The following NEUROD6 variants were observed in gnomAD, a reference collection of about 807,000 sequenced individuals.
NEUROD6 encodes neuronal differentiation 6.
Under a neutral mutation model 24.1 loss-of-function variants are expected in NEUROD6, and 5 were observed. The ratio of observed to expected loss-of-function variants is 0.21; its 90% CI spans 0.11 to 0.44. The LOEUF (loss-of-function observed/expected upper bound fraction) is 0.44, where lower values mean the gene tolerates loss of function less well. NEUROD6 is among the 20% of genes least tolerant of loss of function. The probability of loss-of-function intolerance (pLI) is 0.99; values close to 1 mark genes in which losing one functional copy is unlikely to be tolerated. For missense variants in NEUROD6, 325 were observed against 409.5 expected (o/e 0.79, Z 1.78); for synonymous variants, 182 against 154.1 (o/e 1.18, Z -1.34).
At position 31,338,505 on chromosome 7, in the gene NEUROD6, T is replaced by A; in HGVS notation, c.764A>T (p.Gln255Leu). Residue 255 changes from glutamine to leucine, a missense_variant, in exon 2 of 2, where the codon CAG becomes CTG. Around this residue, in one of 3 missense-constraint regions of NEUROD6, gnomAD observed 175 missense variants for 201.3 expected, o/e 0.87. Coordinates refer to ENST00000297142, the MANE Select transcript of NEUROD6 (RefSeq NM_022728.4). This position sits in a 1 kb window ranked among gnomAD's most constrained non-coding sequence, Gnocchi z 5.1. ...GGGAGGACTTAAGGGACCTTCAAAC[T>A]GAGGGCTGGCACACTCAGGGGAAGT... ...ESTSPECASP[Q>L]FEGPLSPPPI... is the part of the protein sequence containing the mutation. The A allele has an allele frequency of 6.2e-7, 1 of 1,614,110 alleles. No individual in the cohort carries two copies. The highest frequency in any genetic ancestry group is 8.5e-7 in the Non-Finnish European group (1 of 1,179,984).
intron 1 of NEUROD6, among the ~76,000 whole-genome samples, chr7:31,339,977 A>C (rs1438521869): frequency 6.6e-6 from 1 of 152,194 alleles, no homozygotes; most frequent in East Asian, 1.9e-4. Context: ...AAACTCTATA[A>C]ATAAATTTAA....
rs1783086732 is a variant in NEUROD6 at position 31,338,122 on chromosome 7, A to G, written c.*133T>C. 3.0e-6 allele frequency: 2 copies of G among 661,752 alleles called. No individual in the cohort carries two copies. The highest frequency in any genetic ancestry group is 5.0e-6 in the Non-Finnish European group (2 of 401,116). The allele number at this position is 661,752 out of a possible 1,614,324, so 41.0% of individuals were successfully genotyped here. On this transcript the variant is annotated 3_prime_UTR_variant, in exon 2 of 2. Coordinates refer to ENST00000297142, the MANE Select transcript of NEUROD6 (RefSeq NM_022728.4). This position sits in a 1 kb window ranked among gnomAD's most constrained non-coding sequence, Gnocchi z 5.1. ...TATTATTACATAGAAAATTCTCACAATAGTTGAAACACACTTCAGAAACTA... is the reference window on the plus strand; with the variant it reads ...TATTATTACATAGAAAATTCTCACAGTAGTTGAAACACACTTCAGAAACTA...
chr7:31,338,190 A>C lies in NEUROD6; in HGVS notation c.*65T>G. 7.3e-7 allele frequency: 1 copy of C among 1,360,594 alleles called. No homozygotes were observed. 84.3% of individuals were successfully genotyped at this position (1,360,594 alleles called of 1,614,324 possible). A position where few individuals can be genotyped will look rare whatever the true frequency, so the allele number is the denominator to read the frequency against. On this transcript the variant is annotated 3_prime_UTR_variant, in exon 2 of 2. Transcript: ENST00000297142. This position sits in a 1 kb window ranked among gnomAD's most constrained non-coding sequence, Gnocchi z 5.1. The stretch of plus-strand genomic sequence containing the variant: ...AGTTGTGCCAATTACTCAGCCCACA[A>C]GCATCTGCTTTGTCTTAATTAGACA...
rs370480514 is a variant in NEUROD6, at chr7:31,339,100, C to T, written c.169G>A (p.Glu57Lys). Residue 57 changes from glutamate (E) to lysine (K), a missense_variant, in exon 2 of 2, where the codon GAG (glutamate) becomes AAG (lysine). Glu to Lys is a moderately conservative substitution (Grantham distance 56, BLOSUM62 1). Transcript: ENST00000297142. ...SIKRAPGEET[E>K]KEEEEEDREE... is the part of the protein sequence containing the mutation. ...CTGTCTTCCTCCTCTTCTTCTTTCT[C>T]GGTTTCTTCTCCAGGGGCCCTTTTG... The T allele has an allele frequency of 2.5e-6, 4 of 1,613,894 alleles. No homozygotes were observed. Among genetic ancestry groups the T allele is most frequent in the Admixed American group, 1.7e-5 (1 of 59,990 alleles).
Position 31,338,672 on chromosome 7 carries a change from G to T in NEUROD6, c.597C>A (p.His199Gln). The T allele has an allele frequency of 6.2e-7, 1 of 1,614,152 alleles. No individual in the cohort carries two copies. The highest frequency in any genetic ancestry group is 8.5e-7 in the Non-Finnish European group (1 of 1,180,028). Residue 199 changes from histidine to glutamine, a missense_variant, in exon 2 of 2, where the codon CAC (histidine) becomes CAA (glutamine). This residue lies in a region of NEUROD6 where 175 missense variants were observed against 201.3 expected (regional missense o/e 0.87). Coordinates refer to ENST00000297142, the MANE Select transcript of NEUROD6 (RefSeq NM_022728.4). The surrounding 1 kb of genome is among the most constrained non-coding windows in gnomAD (Gnocchi z 5.1). ...AGAAGGTAGAGTAGGGTGACCTTGT[G>T]TGGTGTGCAGCCTCCCCACCCTGAC... ...LMGQGGEAAH[H>Q]TRSPYSTFYP...
chr7:31,340,708 T>A lies in NEUROD6; in HGVS notation c.-137A>T, dbSNP rs1006185216. The A allele has an allele frequency of 7.9e-5, 12 of 152,718 alleles. No homozygotes were observed. Among genetic ancestry groups the A allele is most frequent in the African/African-American group, 2.9e-4 (12 of 41,562 alleles). The allele number at this position is 152,718 out of a possible 1,614,324, so 9.5% of individuals were successfully genotyped here. On this transcript the variant is annotated 5_prime_UTR_variant, in exon 1 of 2. An upstream open reading frame in the 5' UTR gains an earlier in-frame stop. Transcript: ENST00000297142. ...TAGATCTGTGTATATCTGCACTATCTCATTGATCTCTAAAAAGTGACATTG... is the reference window on the plus strand; with the variant it reads ...TAGATCTGTGTATATCTGCACTATCACATTGATCTCTAAAAAGTGACATTG...
Position 31,338,208 on chromosome 7 carries a change from A to G in NEUROD6, c.*47T>C. 1 of 1,513,128 alleles carries G rather than the reference A, an allele frequency of 6.6e-7. No homozygotes were observed. Among genetic ancestry groups the G allele is most frequent in the South Asian group, 1.2e-5 (1 of 86,006 alleles). The allele number at this position is 1,513,128 out of a possible 1,614,324, so 93.7% of individuals were successfully genotyped here. A position where few individuals can be genotyped will look rare whatever the true frequency, so the allele number is the denominator to read the frequency against. Reference sequence around the variant, plus strand: ...GCCCACAAGCATCTGCTTTGTCTTAATTAGACAGGGGAGGTGAATGACCAC... The same window carrying G: ...GCCCACAAGCATCTGCTTTGTCTTAGTTAGACAGGGGAGGTGAATGACCAC... On this transcript the variant is annotated 3_prime_UTR_variant, in exon 2 of 2. Coordinates refer to ENST00000297142, the MANE Select transcript of NEUROD6 (RefSeq NM_022728.4). The surrounding 1 kb of genome is among the most constrained non-coding windows in gnomAD (Gnocchi z 5.1).
chr7:31,339,126 A>T lies in NEUROD6; in HGVS notation c.143T>A (p.Ile48Asn). The change falls in exon 2 of 2, where the codon ATC becomes AAC. Residue 48 changes from isoleucine (I) to asparagine (N), a missense_variant. Physicochemically the swap from Ile to Asn is moderately radical, Grantham distance 149. Around this residue, in one of 3 missense-constraint regions of NEUROD6, gnomAD observed 109 missense variants for 107.3 expected, o/e 1.02. Transcript: ENST00000297142. ...GGTTTCTTCTCCAGGGGCCCTTTTG[A>T]TGCTCTTTCCTCGAAGGACAATCTG... ...SKQIVLRGKS[I>N]KRAPGEETEK... 1 of 1,612,528 alleles carries T rather than the reference A, an allele frequency of 6.2e-7. No homozygotes were observed. Among genetic ancestry groups the T allele is most frequent in the South Asian group, 1.1e-5 (1 of 91,002 alleles).
In NEUROD6 at chr7:31,338,735, T is replaced by C. The variant is rs1783094663; in HGVS notation, c.534A>G (p.Ala178=). The C allele has an allele frequency of 6.2e-7, 1 of 1,614,170 alleles. No individual in the cohort carries two copies. The highest frequency in any genetic ancestry group is 8.5e-7 in the Non-Finnish European group (1 of 1,180,034). The part of the protein sequence containing the change: ...GLSQPTTNLV[A]GCLQLNARSF... ...TCCTGGCGTTGAGCTGCAAGCAGCC[T>C]GCCACCAAGTTTGTAGTTGGCTGGG... The change falls in exon 2 of 2, where the codon GCA becomes GCG. Residue 178 remains alanine, a synonymous_variant. Transcript: ENST00000297142. The surrounding 1 kb of genome is among the most constrained non-coding windows in gnomAD (Gnocchi z 5.1).
At chr7:31,340,208 T>A (rs1783108325) in intron 1 of NEUROD6, among the ~76,000 whole-genome samples, 1 of 152,252 alleles carries the variant, frequency 6.6e-6, no homozygotes, top group Non-Finnish European at 1.5e-5. Context: ...ATTGTGCACG[T>A]GTGTTCAGAA....
chr7:31,340,027 AT>A (rs1783106705), intron 1 of NEUROD6, among the ~76,000 whole-genome samples: 1 of 152,158 alleles, frequency 6.6e-6, no homozygotes, highest in Non-Finnish European at 1.5e-5. Flanking sequence ...ATTAAAAAAA[AT>A]AGAGACTGAT....
Position 31,338,168 on chromosome 7 carries a change from T to C in NEUROD6, c.*87A>G. The C allele has an allele frequency of 1.9e-6, 2 of 1,042,054 alleles. No individual in the cohort carries two copies. The highest frequency in any genetic ancestry group is 2.8e-6 in the Non-Finnish European group (2 of 710,256). The allele number at this position is 1,042,054 out of a possible 1,614,324, so 64.6% of individuals were successfully genotyped here. ...AACTAGTAAACACCTTAGATAGAGTTGTGCCAATTACTCAGCCCACAAGCA... is the reference window on the plus strand; with the variant it reads ...AACTAGTAAACACCTTAGATAGAGTCGTGCCAATTACTCAGCCCACAAGCA... On this transcript the variant is annotated 3_prime_UTR_variant, in exon 2 of 2. Coordinates refer to ENST00000297142, the MANE Select transcript of NEUROD6 (RefSeq NM_022728.4). This position sits in a 1 kb window ranked among gnomAD's most constrained non-coding sequence, Gnocchi z 5.1.
chr7:31,339,247 C>G lies in NEUROD6; in HGVS notation c.22G>C (p.Glu8Gln). 6.2e-7 allele frequency: 1 copy of G among 1,610,864 alleles called. No individual in the cohort carries two copies. The highest frequency in any genetic ancestry group is 8.5e-7 in the Non-Finnish European group (1 of 1,178,830). Residue 8 changes from glutamate to glutamine, a missense_variant, in exon 2 of 2, where the codon GAG (glutamate) becomes CAG (glutamine). Around this residue, in one of 3 missense-constraint regions of NEUROD6, gnomAD observed 109 missense variants for 107.3 expected, o/e 1.02. Coordinates refer to ENST00000297142, the MANE Select transcript of NEUROD6 (RefSeq NM_022728.4). MLTLPFDESVVMPESQMC... is the reference protein window; with the variant it reads MLTLPFDQSVVMPESQMC... Reference sequence around the variant, plus strand: ...TGGGATTCTGGCATTACAACAGACTCATCAAACGGTAGTGTTAACATGGTT... The same window carrying G: ...TGGGATTCTGGCATTACAACAGACTGATCAAACGGTAGTGTTAACATGGTT...
Position 31,337,537 on chromosome 7 carries a change from T to C in NEUROD6, c.*718A>G, listed in dbSNP as rs1400577860. On this transcript the variant is annotated 3_prime_UTR_variant, in exon 2 of 2. Coordinates refer to ENST00000297142, the MANE Select transcript of NEUROD6 (RefSeq NM_022728.4). ...GGAAAAACACAATTATACATTGTGA[T>C]AACAAACCTGTACAGTTAATTTCTG... is the stretch of plus-strand genomic sequence containing the variant. 6.6e-6 allele frequency: 1 copy of C among 152,646 alleles called. No homozygotes were observed. Among genetic ancestry groups the C allele is most frequent in the East Asian group, 1.9e-4 (1 of 5,200 alleles). The allele number at this position is 152,646 out of a possible 1,614,324, so 9.5% of individuals were successfully genotyped here.
At position 31,338,786 on chromosome 7, in the gene NEUROD6, G is replaced by A. The variant is rs1397560367; in HGVS notation, c.483C>T (p.Phe161=). Residue 161 remains phenylalanine (F), a synonymous_variant, in exon 2 of 2, where the codon TTC becomes TTT. Transcript: ENST00000297142. This position sits in a 1 kb window ranked among gnomAD's most constrained non-coding sequence, Gnocchi z 5.1. The part of the protein sequence containing the change: ...RIGKRPDLLT[F]VQNLCKGLSQ... The stretch of plus-strand genomic sequence containing the variant: ...AAAGACCTTTGCATAAGTTTTGGAC[G>A]AATGTGAGCAGATCTGGTCTCTTGC... The A allele has an allele frequency of 2.5e-6, 4 of 1,614,120 alleles. No individual in the cohort carries two copies. Among genetic ancestry groups the A allele is most frequent in the South Asian group, 1.1e-5 (1 of 91,074 alleles).
chr7:31,338,990 C>A lies in NEUROD6; in HGVS notation c.279G>T (p.Lys93Asn). The A allele has an allele frequency of 6.2e-7, 1 of 1,614,046 alleles. No individual in the cohort carries two copies. Among genetic ancestry groups the A allele is most frequent in the Non-Finnish European group, 8.5e-7 (1 of 1,180,006 alleles). ...KTTKLRLERV[K>N]FRRQEANARE... ...GCGCGTTCGCTTCCTGTCTCCTGAA[C>A]TTGACCCTTTCCAATCGCAGCTTTG... The change falls in exon 2 of 2, where the codon AAG becomes AAT. Residue 93 changes from lysine to asparagine, a missense_variant. By Grantham distance (94) the Lys-to-Asn change is moderately conservative (BLOSUM62 0). Transcript: ENST00000297142. The surrounding 1 kb of genome is among the most constrained non-coding windows in gnomAD (Gnocchi z 5.1).
intron 1 of NEUROD6, among the ~76,000 whole-genome samples, chr7:31,340,369 C>G (rs1667712061): frequency 6.6e-6 from 1 of 152,212 alleles, no homozygotes; most frequent in South Asian, 2.1e-4. Context: ...CCCCTCAACA[C>G]ACACATATAC....
Position 31,339,047 on chromosome 7 carries a change from A to G in NEUROD6, c.222T>C (p.Pro74=). The G allele has an allele frequency of 1.9e-6, 3 of 1,613,122 alleles. No homozygotes were observed. Among genetic ancestry groups the G allele is most frequent in the African/African-American group, 1.3e-5 (1 of 74,650 alleles). The change falls in exon 2 of 2, where the codon CCT becomes CCC. Residue 74 remains proline, a synonymous_variant. Transcript: ENST00000297142. Reference sequence around the variant, plus strand: ...TTTTTTTCCTAAGACCCCTCCTTCTAGGCAACCCATTTTCATCTTCCTCTT... The same window carrying G: ...TTTTTTTCCTAAGACCCCTCCTTCTGGGCAACCCATTTTCATCTTCCTCTT... ...DREEEDENGL[P]RRRGLRKKKT... is the part of the protein sequence containing the mutation.
At position 31,338,474 on chromosome 7, in the gene NEUROD6, A is replaced by G. The variant is rs748106506; in HGVS notation, c.795T>C (p.Ile265=). Residue 265 remains isoleucine (I), a synonymous_variant, in exon 2 of 2, where the codon ATT becomes ATC. Transcript: ENST00000297142. This position sits in a 1 kb window ranked among gnomAD's most constrained non-coding sequence, Gnocchi z 5.1. ...QFEGPLSPPP[I]NYNGIFSLKQ... Reference sequence around the variant, plus strand: ...TCAGGGAAAATATCCCATTATAGTTAATTGGGGGAGGACTTAAGGGACCTT... The same window carrying G: ...TCAGGGAAAATATCCCATTATAGTTGATTGGGGGAGGACTTAAGGGACCTT... 6.2e-7 allele frequency: 1 copy of G among 1,613,462 alleles called. No individual in the cohort carries two copies. Among genetic ancestry groups the G allele is most frequent in the South Asian group, 1.1e-5 (1 of 91,040 alleles).
Sources: gnomAD v4.1 joint callset for allele counts (sites outside exome capture counted in the v4.1 genomes callset) on GRCh38, gnomAD v4.1.1 for gene constraint, gnomAD v4.1.1 regional missense constraint, Gnocchi (gnomAD v3.1) non-coding constraint, MANE v1.5 for transcripts, NCBI Gene and HGNC (gene_info 2026-07-23, HGNC 2026-07-21) for gene names.